OSMR: variants seen among roughly 807,000 people sequenced by gnomAD.
The protein encoded by OSMR is oncostatin M receptor.
OSMR carries 81 observed loss-of-function variants against 99.9 expected under a neutral mutation model. The ratio of observed to expected loss-of-function variants is 0.81; its 90% CI spans 0.68 to 0.97. The LOEUF (loss-of-function observed/expected upper bound fraction) is 0.97, where lower values mean the gene tolerates loss of function less well. Ranked by LOEUF, OSMR falls within the 50% of genes least tolerant of loss-of-function variation. The pLI, the probability that OSMR is intolerant of heterozygous loss-of-function variation, is 0.00. For missense variants in OSMR, 1,099 were observed against 1,153.4 expected, an observed-to-expected ratio of 0.95 and a Z score of 0.68; for synonymous variants, 406 against 410.4, an observed-to-expected ratio of 0.99 and a Z score of 0.13.
chr5:38,933,617 C>A lies in OSMR; in HGVS notation c.*173C>A. On this transcript the variant is annotated 3_prime_UTR_variant, in exon 18 of 18. Coordinates refer to ENST00000274276, the MANE Select transcript of OSMR (RefSeq NM_003999.3). ...AGGCCAGAGGCTATGGAACTTAACA[C>A]TCCCCATTGGAGCAAGCTTGCCCTA... The A allele has an allele frequency of 1.5e-6, 1 of 679,726 alleles. No homozygotes were observed. Among genetic ancestry groups the A allele is most frequent in the Non-Finnish European group, 2.5e-6 (1 of 394,398 alleles). 42.1% of individuals were successfully genotyped at this position (679,726 alleles called of 1,614,324 possible).
chr5:38,902,421 A>T (rs1201827111), intron 7 of OSMR, among the ~76,000 whole-genome samples: 1 of 152,240 alleles, frequency 6.6e-6, no homozygotes, highest in African/African-American at 2.4e-5. Context: ...CCACAACCAG[A>T]TAAGCATCTT....
In OSMR at chr5:38,925,090, T is replaced by C. The variant is rs953909621; in HGVS notation, c.2045-114T>C. On this transcript the variant is annotated intron_variant, in intron 14 of 17. Transcript: ENST00000274276. ...TGATTTTTGTTTGGTATAAACATGT[T>C]GGTGGTGCTGAGTTAACAAGAGCAT... 15 of 1,541,244 alleles carry C rather than the reference T, an allele frequency of 9.7e-6. No individual in the cohort carries two copies. The African/African-American group carries it at 1.7e-4, about 17-fold the overall frequency.
chr5:38,910,399 C>A (rs937169541), intron 9 of OSMR, among the ~76,000 whole-genome samples: 3 of 152,148 alleles, frequency 2.0e-5, no homozygotes, highest in African/African-American at 4.8e-5. Context: ...CACCCCAAAA[C>A]AAATATACAT....
At position 38,884,004 on chromosome 5, in the gene OSMR, A is replaced by G. The variant is rs760537995; in HGVS notation, c.596A>G (p.Asn199Ser). The G allele has an allele frequency of 2.5e-6, 4 of 1,613,418 alleles. No homozygotes were observed. The South Asian group carries it at 4.4e-5, about 18-fold the overall frequency. ...EQLDPHVTAFNLNSVPFIRNK... is the reference protein window; with the variant it reads ...EQLDPHVTAFSLNSVPFIRNK... ...CTTGATCCACATGTAACTGCATTCA[A>G]CTTGAATAGTGTGCCTTTCATTAGG... Residue 199 changes from asparagine (N) to serine (S), a missense_variant, in exon 5 of 18, where the codon AAC (asparagine) becomes AGC (serine). By Grantham distance (46) the Asn-to-Ser change is conservative. Transcript: ENST00000274276.
At chr5:38,891,598 C>T (rs1744162171) in intron 7 of OSMR, among the ~76,000 whole-genome samples, 1 of 152,174 alleles carries the variant, frequency 6.6e-6, no homozygotes, top group Non-Finnish European at 1.5e-5. Flanking sequence ...GGAATCCACA[C>T]TTACACCATG....
intron 2 of OSMR, among the ~76,000 whole-genome samples, chr5:38,873,988 C>A (rs553328136): frequency 6.6e-6 from 1 of 151,938 alleles, no homozygotes; most frequent in Non-Finnish European, 1.5e-5. Flanking sequence ...GCCATGACAC[C>A]CAGCTACTTG....
intron 9 of OSMR, among the ~76,000 whole-genome samples, chr5:38,912,759 A>C (rs902330500): frequency 6.6e-6 from 1 of 152,168 alleles, no homozygotes; most frequent in Non-Finnish European, 1.5e-5. Context: ...TAGAGAACCC[A>C]AAAACAAAAC....
At chr5:38,911,120 CA>C (rs893348675) in intron 9 of OSMR, among the ~76,000 whole-genome samples, 1 of 151,928 alleles carries the variant, frequency 6.6e-6, no homozygotes, top group African/African-American at 2.4e-5. Flanking sequence ...AATTGAGATG[CA>C]AAAAACTATA....
At chr5:38,869,506 A>G (rs538238698) in intron 2 of OSMR, among the ~76,000 whole-genome samples, 7 of 152,370 alleles carry the variant, frequency 4.6e-5, no homozygotes, top group African/African-American at 1.7e-4. Flanking sequence ...CTAGGTTAGT[A>G]CAAGTTTTTA....
chr5:38,929,177 C>G (rs1746608661), intron 15 of OSMR, among the ~76,000 whole-genome samples: 1 of 151,942 alleles, frequency 6.6e-6, no homozygotes, highest in Admixed American at 6.5e-5. Flanking sequence ...TACAATGAGG[C>G]TAGGATGATT....
At chr5:38,925,157 T>C (rs1388990279) in intron 14 of OSMR, 47 bp from the exon 15 acceptor site, 1 of 1,611,374 alleles carries the variant, frequency 6.2e-7, no homozygotes, top group Admixed American at 1.7e-5. Flanking sequence ...ACACTTTTAA[T>C]AAAATCTTTT....
chr5:38,881,631 G>C lies in OSMR; in HGVS notation c.285G>C (p.Leu95=). Residue 95 remains leucine, a synonymous_variant, in exon 4 of 18, where the codon CTG becomes CTC. Transcript: ENST00000274276. ...CCACTGTGAAGTGGAACCAGGTTCT[G>C]CATTGGAGCTGGGAATCTGAGCTCC... The part of the protein sequence containing the change: ...YSTTVKWNQV[L]HWSWESELPL... The C allele has an allele frequency of 6.2e-7, 1 of 1,614,118 alleles. No individual in the cohort carries two copies. Among genetic ancestry groups the C allele is most frequent in the Non-Finnish European group, 8.5e-7 (1 of 1,179,966 alleles).
At chr5:38,847,369 T>A (rs1426676969) in intron 1 of OSMR, among the ~76,000 whole-genome samples, 1 of 152,134 alleles carries the variant, frequency 6.6e-6, no homozygotes, top group African/African-American at 2.4e-5. Flanking sequence ...TTTTATTATA[T>A]TTTATTGAGG....
chr5:38,859,769 G>C (rs78776521), intron 1 of OSMR, among the ~76,000 whole-genome samples: 2,315 of 152,150 alleles, frequency 0.015, 45 homozygotes, highest in South Asian at 0.082. Context: ...TCTTTCATTA[G>C]TGTTTTGTAG....
chr5:38,912,503 G>T (rs1348011755), intron 9 of OSMR, among the ~76,000 whole-genome samples: 1 of 151,886 alleles, frequency 6.6e-6, no homozygotes, highest in African/African-American at 2.4e-5. Flanking sequence ...ACTCCCCAAA[G>T]CAATTTACAG....
At position 38,879,734 on chromosome 5, in the gene OSMR, C is replaced by T. The variant is rs1163639319; in HGVS notation, c.247-1859C>T. On this transcript the variant is annotated intron_variant, in intron 3 of 17. Transcript: ENST00000274276. ...CGTCTTCCGGGTTCTAGCGATTCTTCTGCCTCAGCATCTTGAGTTGCTGGG... is the reference window on the plus strand; with the variant it reads ...CGTCTTCCGGGTTCTAGCGATTCTTTTGCCTCAGCATCTTGAGTTGCTGGG... Among the ~76,000 whole-genome samples the T allele has an allele frequency of 2.7e-5, 4 of 148,660 alleles. 1 individual carries two copies. The South Asian group carries it at 8.5e-4, about 32-fold the overall frequency.
At chr5:38,854,243 A>G (rs537626846) in intron 1 of OSMR, among the ~76,000 whole-genome samples, 3 of 152,272 alleles carry the variant, frequency 2.0e-5, no homozygotes, top group East Asian at 1.9e-4. Flanking sequence ...AAGTTTGTCA[A>G]CACACCCACA....
chr5:38,944,464 T>C, intron 2 of OSMR: 2 of 1,608,820 alleles, frequency 1.2e-6, no homozygotes, highest in Non-Finnish European at 1.7e-6. Flanking sequence ...CCCAGTCTCA[T>C]GACATTTAGT....
chr5:38,848,859 G>A lies in OSMR; in HGVS notation c.-14+2472G>A, dbSNP rs555373097. Among the ~76,000 whole-genome samples the A allele has an allele frequency of 1.7e-4, 26 of 152,048 alleles. No homozygotes were observed. The South Asian group carries it at 4.4e-3, about 26-fold the overall frequency. On this transcript the variant is annotated intron_variant, in intron 1 of 17. Coordinates refer to ENST00000274276, the MANE Select transcript of OSMR (RefSeq NM_003999.3). ...CATGATCATGGCTCACTGCAGCCTC[G>A]ACCTTCTGGGCTCAAGTGATCCTCC... is the stretch of plus-strand genomic sequence containing the variant.
Sources: gnomAD v4.1 joint callset for allele counts (sites outside exome capture counted in the v4.1 genomes callset) on GRCh38, gnomAD v4.1.1 for gene constraint, MANE v1.5 for transcripts, NCBI Gene and HGNC (gene_info 2026-07-23, HGNC 2026-07-21) for gene names.